C1orf54: variants seen among roughly 807,000 people sequenced by gnomAD.
The protein encoded by C1orf54 is chromosome 1 open reading frame 54, also known as uncharacterized protein C1orf54.
Under a neutral mutation model 14.7 loss-of-function variants are expected in C1orf54, and 12 were observed. The observed-to-expected ratio is 0.82, with a 90% CI of 0.52 to 1.32. The LOEUF is 1.32. Ranked by LOEUF, C1orf54 falls within the 40% of genes most tolerant of loss-of-function variation. C1orf54 has a pLI of 0.00. For missense variants in C1orf54, 163 were observed against 162.2 expected, an observed-to-expected ratio of 1.00 and a Z score of -0.03; for synonymous variants, 65 against 56.3, an observed-to-expected ratio of 1.16 and a Z score of -0.70.
At chr1:150,276,268 T>A (rs1320566643) in intron 3 of C1orf54, among the ~76,000 whole-genome samples, 1 of 152,124 alleles carries the variant, frequency 6.6e-6, no homozygotes, top group South Asian at 2.1e-4. Flanking sequence ...TTAACCTATC[T>A]GGGGAGGAGA....
intron 1 of C1orf54, 122 bp downstream of exon 1, chr1:150,272,985 C>T (rs1033039557): frequency 4.7e-5 from 53 of 1,121,932 alleles, no homozygotes; most frequent in South Asian, 6.6e-5. Flanking sequence ...GTTTTCTCAT[C>T]GTGCTGGGGT....
intron 2 of C1orf54, among the ~76,000 whole-genome samples, chr1:150,275,044 A>ATTT (rs1298569209): frequency 6.7e-6 from 1 of 148,832 alleles, no homozygotes; most frequent in African/African-American, 2.5e-5. Context: ...AGAAAAAAAA[A>ATTT]TTTTTTTTTT....
At position 150,274,077 on chromosome 1, in the gene C1orf54, G is replaced by A. The variant is rs782523811; in HGVS notation, c.47-10G>A. ...AGATGTCCCTTGACCTCTAGTCCTTGTCCCCATAGGACAAGAATATGAGGA... is the reference window on the plus strand; with the variant it reads ...AGATGTCCCTTGACCTCTAGTCCTTATCCCCATAGGACAAGAATATGAGGA... On this transcript the variant is annotated splice_polypyrimidine_tract_variant and intron_variant, in intron 1 of 5. Transcript: ENST00000369099. 6 of 1,601,174 alleles carry A rather than the reference G, an allele frequency of 3.7e-6. No homozygotes were observed. Among genetic ancestry groups the A allele is most frequent in the African/African-American group, 1.3e-5 (1 of 74,578 alleles).
chr1:150,275,704 T>G (rs1553852304), intron 2 of C1orf54, 37 bp from the exon 3 acceptor site: 1 of 1,527,822 alleles, frequency 6.5e-7, no homozygotes, highest in Admixed American at 1.7e-5. Flanking sequence ...AGTTACATTT[T>G]TCTTTAATTA....
chr1:150,273,969 G>A (rs1185718542), intron 1 of C1orf54, 118 bp from the exon 2 acceptor site: 4 of 698,030 alleles, frequency 5.7e-6, no homozygotes, highest in Non-Finnish European at 1.0e-5. Flanking sequence ...AGGAGAGAGA[G>A]AGAGAGAGAA....
At chr1:150,270,853 A>G (rs1345508448), upstream of C1orf54, among the ~76,000 whole-genome samples, 1 of 151,022 alleles carries the variant, frequency 6.6e-6, no homozygotes, top group African/African-American at 2.4e-5. Flanking sequence ...AAAATTAGCC[A>G]GGCGTGGTGG....
At chr1:150,273,042 G>A (rs1553851622) in intron 1 of C1orf54, among the ~76,000 whole-genome samples, 179 bp downstream of exon 1, 2 of 152,100 alleles carry the variant, frequency 1.3e-5, no homozygotes, top group East Asian at 1.9e-4. Flanking sequence ...AGCCAGGAAA[G>A]GGGGAAAAAA....
intron 3 of C1orf54, 101 bp downstream of exon 3, chr1:150,275,900 G>A (rs1652607644): frequency 1.3e-5 from 13 of 1,025,036 alleles, no homozygotes; most frequent in Non-Finnish European, 1.9e-5. Context: ...ACTTTGGGAG[G>A]CCAAGGCGAG....
At chr1:150,278,811 G>A (rs587620418) in intron 4 of C1orf54, among the ~76,000 whole-genome samples, 8 of 152,212 alleles carry the variant, frequency 5.3e-5, no homozygotes, top group African/African-American at 1.9e-4. Context: ...AGGAAAGGGA[G>A]GTGAGTACAG....
chr1:150,272,539 G>A (rs115108316), upstream of C1orf54: 12 of 392,446 alleles, frequency 3.1e-5, 1 homozygote, highest in East Asian at 2.8e-4. Flanking sequence ...AGTGACAGTG[G>A]GAGTCTTGAA....
At chr1:150,272,741 A>C, upstream of C1orf54, 1 of 1,462,630 alleles carries the variant, frequency 6.8e-7, no homozygotes, top group Non-Finnish European at 9.6e-7. Context: ...TTGGAGGAGG[A>C]GGGGAGGCGG....
At chr1:150,270,341 T>C (rs2101860641), upstream of C1orf54, among the ~76,000 whole-genome samples, 1 of 152,264 alleles carries the variant, frequency 6.6e-6, no homozygotes, top group East Asian at 1.9e-4. Context: ...GAGGAATAGA[T>C]TGTATAGATT....
At chr1:150,274,902 GACT>G (rs1652514521) in intron 2 of C1orf54, among the ~76,000 whole-genome samples, 1 of 77,300 alleles carries the variant, frequency 1.3e-5, no homozygotes, top group Non-Finnish European at 2.3e-5. Context: ...GACAGAATGA[GACT>G]ACGTCACAAA....
chr1:150,270,621 C>T (rs752330019), upstream of C1orf54, among the ~76,000 whole-genome samples: 3 of 151,466 alleles, frequency 2.0e-5, no homozygotes, highest in Non-Finnish European at 2.9e-5. Flanking sequence ...CCAACCTGGG[C>T]GACAGAGCAA....
At chr1:150,271,149 G>A (rs1652184219), upstream of C1orf54, among the ~76,000 whole-genome samples, 1 of 151,410 alleles carries the variant, frequency 6.6e-6, no homozygotes, top group Admixed American at 6.6e-5. Context: ...GTCTCACTCT[G>A]TTGCCTAGAC....
chr1:150,268,911 C>G, upstream of C1orf54: 2 of 1,016,592 alleles, frequency 2.0e-6, no homozygotes, highest in Non-Finnish European at 2.9e-6. Flanking sequence ...CGCGACCCCA[C>G]GAGGGGCGCG....
In C1orf54 at chr1:150,280,868, A is replaced by G; in HGVS notation, c.*37A>G. 3.9e-6 allele frequency: 6 copies of G among 1,550,232 alleles called. No homozygotes were observed. The highest frequency in any genetic ancestry group is 3.5e-6 in the Non-Finnish European group (4 of 1,146,836). Reference sequence around the variant, plus strand: ...AGGCTGCTATGACTCTTTGGATGGGAGTCTGGCAAGAGGAAATTGGAAGAT... The same window carrying G: ...AGGCTGCTATGACTCTTTGGATGGGGGTCTGGCAAGAGGAAATTGGAAGAT... On this transcript the variant is annotated 3_prime_UTR_variant, in exon 6 of 6. Transcript: ENST00000369099.
rs1553853093 is a variant in C1orf54, at chr1:150,279,628, T to C, written c.301-15T>C. Reference sequence around the variant, plus strand: ...GACACCAGCCTACTGTGTGGGGATGTCGGTATTTTAGCAGAGTCCAGATCT... The same window carrying C: ...GACACCAGCCTACTGTGTGGGGATGCCGGTATTTTAGCAGAGTCCAGATCT... On this transcript the variant is annotated splice_polypyrimidine_tract_variant and intron_variant, in intron 4 of 5. Coordinates refer to ENST00000369099, the MANE Select transcript of C1orf54 (RefSeq NM_024579.4). 1 of 1,603,908 alleles carries C rather than the reference T, an allele frequency of 6.2e-7. No homozygotes were observed. Among genetic ancestry groups the C allele is most frequent in the Non-Finnish European group, 8.5e-7 (1 of 1,175,012 alleles).
chr1:150,272,369 A>AGAC (rs1652269130), upstream of C1orf54: 1 of 169,776 alleles, frequency 5.9e-6, no homozygotes, highest in East Asian at 1.6e-4. Flanking sequence ...TGACGAAAAG[A>AGAC]GACTGATGAA....
Sources: allele counts gnomAD v4.1 joint callset (sites outside exome capture counted in the v4.1 genomes callset), GRCh38; gene constraint gnomAD v4.1.1; transcripts MANE v1.5; gene names NCBI Gene and HGNC (gene_info 2026-07-23, HGNC 2026-07-21).